The following GEMIN8 variants were observed in gnomAD, a reference collection of about 807,000 sequenced individuals.
The protein encoded by GEMIN8 is gem nuclear organelle associated protein 8, also known as gem-associated protein 8.
For missense variants in GEMIN8, 185 were observed against 205.9 expected, an observed-to-expected ratio of 0.90 and a Z score of 0.62; for synonymous variants, 80 against 78.5, an observed-to-expected ratio of 1.02 and a Z score of -0.10.
the GEMIN8 span, among the ~76,000 whole-genome samples, chrX:13,995,509 G>C: frequency 9.0e-6 from 1 of 111,727 alleles, no homozygotes; most frequent in Non-Finnish European, 1.9e-5. Context: ...GTGACTTAAA[G>C]CACACAGATA....
At chrX:14,029,012 C>T (rs1484366601) in intron 1 of GEMIN8, among the ~76,000 whole-genome samples, 1 of 111,880 alleles carries the variant, frequency 8.9e-6, no homozygotes, top group Non-Finnish European at 1.9e-5. Flanking sequence ...CAGCTGAATA[C>T]ACAGCCTAGC....
intron 4 of GEMIN8, chrX:14,014,376 C>T (rs1315369134): frequency 6.7e-6 from 5 of 750,476 alleles, no homozygotes; most frequent in East Asian, 1.5e-4. Context: ...CTTCTCTCTT[C>T]GTCGCACATC....
chrX:13,986,338 C>G, the GEMIN8 span, among the ~76,000 whole-genome samples: 1 of 112,315 alleles, frequency 8.9e-6, no homozygotes, highest in Non-Finnish European at 1.9e-5. Flanking sequence ...GGATTAGCCC[C>G]AGCTGTAGGT....
rs191478683 is a variant in GEMIN8 at position 14,020,542 on chromosome X, A to G, written c.16-8T>C. On this transcript the variant is annotated splice_region_variant and splice_polypyrimidine_tract_variant and intron_variant, in intron 3 of 4. Coordinates refer to ENST00000680255, the MANE Select transcript of GEMIN8 (RefSeq NM_001042479.2). ...AGCTTTCGATGTTGATGCCTACAAA[A>G]TGAAAGGAGGTGGAGGGTGGACACC... 1.2e-4 allele frequency: 139 copies of G among 1,113,318 alleles called. No homozygotes were observed. In the Admixed American group the frequency reaches 3.0e-3, roughly 24 times the overall value. 91.7% of individuals were successfully genotyped at this position (1,113,318 alleles called of 1,213,427 possible).
intron 3 of GEMIN8, 112 bp from the exon 4 acceptor site, chrX:14,020,646 A>G: frequency 2.0e-6 from 1 of 511,718 alleles, no homozygotes; most frequent in Non-Finnish European, 3.2e-6. Flanking sequence ...TATTTGCTAA[A>G]TACCTACCTA....
intron 4 of GEMIN8, among the ~76,000 whole-genome samples, chrX:14,015,859 C>T (rs1329461036): frequency 8.9e-6 from 1 of 111,843 alleles, no homozygotes; most frequent in Non-Finnish European, 1.9e-5. Context: ...TCCCTTATCT[C>T]TTTATTAAAG....
At chrX:13,984,370 T>C in the GEMIN8 span, among the ~76,000 whole-genome samples, 19 of 112,415 alleles carry the variant, frequency 1.7e-4, no homozygotes, top group East Asian at 2.2e-3. Flanking sequence ...AGGGAATGAT[T>C]TATCTCAAAT....
the GEMIN8 span, chrX:13,988,868 T>C: frequency 1.9e-5 from 2 of 105,422 alleles, no homozygotes; most frequent in African/African-American, 7.0e-5. Flanking sequence ...AGGGTCAAAG[T>C]TGGAAAATGT....
rs1415253074 is a variant in GEMIN8, at chrX:14,016,850, A to T, written c.472+3228T>A. Among the ~76,000 whole-genome samples, 9 of 76,180 alleles carry T rather than the reference A, an allele frequency of 1.2e-4. No homozygotes were observed. The East Asian group carries it at 2.8e-3, about 23-fold the overall frequency. The allele number at this position is 76,180 out of a possible 115,157, so 66.2% of individuals were successfully genotyped here. ...ACAGAGTAAGAATCTGTCTCAAAAAAAAAAAAAAAAAAAAAAATATATATA... is the reference window on the plus strand; with the variant it reads ...ACAGAGTAAGAATCTGTCTCAAAAATAAAAAAAAAAAAAAAAATATATATA... On this transcript the variant is annotated intron_variant, in intron 4 of 4. Coordinates refer to ENST00000680255, the MANE Select transcript of GEMIN8 (RefSeq NM_001042479.2).
intron 4 of GEMIN8, among the ~76,000 whole-genome samples, chrX:14,009,724 G>T (rs1301078330): frequency 1.8e-5 from 2 of 111,775 alleles, no homozygotes; most frequent in Non-Finnish European, 3.8e-5. Context: ...GATAGAGCTT[G>T]CTTGGTTTCA....
chrX:14,005,433 G>A (rs1420774678), downstream of GEMIN8, among the ~76,000 whole-genome samples: 2 of 111,948 alleles, frequency 1.8e-5, no homozygotes, highest in African/African-American at 3.2e-5. Flanking sequence ...TGCTGAACAT[G>A]TGGAGGTTCC....
chrX:14,005,678 C>A (rs1467601079), downstream of GEMIN8, among the ~76,000 whole-genome samples: 1 of 112,024 alleles, frequency 8.9e-6, no homozygotes, highest in Non-Finnish European at 1.9e-5. Context: ...TACGTGACAA[C>A]CTACTACTTG....
At chrX:14,004,905 T>C (rs369872997), downstream of GEMIN8, among the ~76,000 whole-genome samples, 61 of 111,508 alleles carry the variant, frequency 5.5e-4, no homozygotes, top group South Asian at 0.011. Context: ...CTGAAGGGTA[T>C]GGAATATCAC....
At chrX:14,014,380 G>A in intron 4 of GEMIN8, 3 of 751,633 alleles carry the variant, frequency 4.0e-6, no homozygotes, top group African/African-American at 2.3e-5. Context: ...TCTCTTCGTC[G>A]CACATCCCTT....
At chrX:14,009,577 C>A (rs1374114508) in intron 4 of GEMIN8, among the ~76,000 whole-genome samples, 1 of 111,142 alleles carries the variant, frequency 9.0e-6, no homozygotes, top group Non-Finnish European at 1.9e-5. Context: ...TGGTGAAGAG[C>A]CACAAGGAAA....
chrX:14,014,058 A>G (rs1923744559), intron 4 of GEMIN8: 3 of 748,015 alleles, frequency 4.0e-6, no homozygotes, highest in Non-Finnish European at 3.1e-6. Flanking sequence ...CCAGGACTTC[A>G]GAGAATCTTA....
chrX:14,004,852 C>T (rs1280907287), downstream of GEMIN8, among the ~76,000 whole-genome samples: 2 of 111,415 alleles, frequency 1.8e-5, no homozygotes, highest in Admixed American at 9.6e-5. Context: ...TATGAGCCAC[C>T]GTGACTGGCC....
intron 1 of GEMIN8, 108 bp from the exon 2 acceptor site, chrX:14,026,329 G>C: frequency 6.7e-6 from 5 of 747,383 alleles, no homozygotes; most frequent in Non-Finnish European, 7.9e-6. Context: ...CCACCCAGCT[G>C]AGCCCAGGCG....
the GEMIN8 span, among the ~76,000 whole-genome samples, chrX:13,989,369 T>C: frequency 8.9e-6 from 1 of 111,768 alleles, no homozygotes; most frequent in African/African-American, 3.3e-5. Context: ...TTCCAAAGTG[T>C]TGACATTACA....
Sources: gnomAD v4.1 joint callset for allele counts (sites outside exome capture counted in the v4.1 genomes callset) on GRCh38, gnomAD v4.1.1 for gene constraint, MANE v1.5 for transcripts, NCBI Gene and HGNC (gene_info 2026-07-23, HGNC 2026-07-21) for gene names.